TBC1D1: variants seen among roughly 807,000 people sequenced by gnomAD.
The protein encoded by TBC1D1 is TBC1 (tre-2/USP6, BUB2, cdc16) domain family, member 1.
A neutral mutation model predicts 125.6 loss-of-function variants in TBC1D1; 89 were observed. The ratio of observed to expected loss-of-function variants is 0.71; its 90% CI spans 0.60 to 0.85. TBC1D1 has a LOEUF of 0.85. TBC1D1 is among the 40% of genes least tolerant of loss of function. The pLI is 0.00. For missense variants in TBC1D1, 1,377 were observed against 1,469.2 expected, an observed-to-expected ratio of 0.94 and a Z score of 1.03; for synonymous variants, 565 against 564.1, an observed-to-expected ratio of 1.00 and a Z score of -0.02.
chr4:38,067,382 T>C (rs1015860823), intron 12 of TBC1D1, among the ~76,000 whole-genome samples: 15 of 152,206 alleles, frequency 9.9e-5, no homozygotes, highest in African/African-American at 3.6e-4. Context: ...TGATAAGTTA[T>C]GGATGTACAC....
In TBC1D1 at chr4:38,049,678, G is replaced by A. The variant is rs778618441; in HGVS notation, c.1690G>A (p.Gly564Ser). 9 of 1,613,980 alleles carry A rather than the reference G, an allele frequency of 5.6e-6. No individual in the cohort carries two copies. The highest frequency in any genetic ancestry group is 4.0e-5 in the African/African-American group (3 of 74,902). The change falls in exon 11 of 20, where the codon GGC becomes AGC. Residue 564 changes from glycine (G) to serine (S), a missense_variant. Gly to Ser is a moderately conservative substitution (Grantham distance 56). Coordinates refer to ENST00000261439, the MANE Select transcript of TBC1D1 (RefSeq NM_015173.4). ...CTCTGAGAGCTCCTTTAAGCTCCTC[G>A]GCTCCTCGGAGGACCTGTCCAGTGA... is the stretch of plus-strand genomic sequence containing the variant.
chr4:37,922,089 T>G (rs1721127510), intron 2 of TBC1D1, among the ~76,000 whole-genome samples: 2 of 152,188 alleles, frequency 1.3e-5, no homozygotes, highest in Admixed American at 1.3e-4. Flanking sequence ...CCACTTTTTT[T>G]TCCTCCTTTT....
intron 6 of TBC1D1, among the ~76,000 whole-genome samples, chr4:38,026,152 A>C (rs544577697): frequency 6.6e-6 from 1 of 152,294 alleles, no homozygotes; most frequent in South Asian, 2.1e-4. Context: ...TGTTAAGTGA[A>C]GTGGCATAGT....
At chr4:38,110,407 G>T (rs1235442194) in intron 15 of TBC1D1, 5 of 985,288 alleles carry the variant, frequency 5.1e-6, no homozygotes, top group East Asian at 1.1e-4. Context: ...AAATTGCTGG[G>T]TGAAGGCTCT....
chr4:38,049,631 G>C lies in TBC1D1; in HGVS notation c.1643G>C (p.Cys548Ser). ...GTTTGCTCCCAGGAGCCATCTGTGT[G>C]TGAAAAGGAGGCCTTGCCCATCTCT... Residue 548 changes from cysteine (C) to serine (S), a missense_variant, in exon 11 of 20, where the codon TGT becomes TCT. Physicochemically the swap from Cys to Ser is moderately radical, Grantham distance 112. Around this residue, in one of 3 missense-constraint regions of TBC1D1, gnomAD observed 822 missense variants for 824.6 expected, o/e 1.00. Coordinates refer to ENST00000261439, the MANE Select transcript of TBC1D1 (RefSeq NM_015173.4). 1.2e-6 allele frequency: 2 copies of C among 1,608,614 alleles called. No individual in the cohort carries two copies. The highest frequency in any genetic ancestry group is 1.7e-6 in the Non-Finnish European group (2 of 1,176,242).
chr4:37,972,731 C>T (rs966257094), intron 2 of TBC1D1, among the ~76,000 whole-genome samples: 17 of 151,400 alleles, frequency 1.1e-4, no homozygotes, highest in Admixed American at 5.9e-4. Context: ...GGAGAAACCC[C>T]GTCTCTACTA....
At chr4:37,981,883 A>G (rs1453537865) in intron 2 of TBC1D1, among the ~76,000 whole-genome samples, 1 of 152,196 alleles carries the variant, frequency 6.6e-6, no homozygotes, top group African/African-American at 2.4e-5. Flanking sequence ...TTTGGTTCGG[A>G]TAGGAGGTGA....
At chr4:38,032,125 C>T (rs889898053) in intron 7 of TBC1D1, among the ~76,000 whole-genome samples, 1 of 152,088 alleles carries the variant, frequency 6.6e-6, no homozygotes, top group Non-Finnish European at 1.5e-5. Flanking sequence ...TCAAGACTAG[C>T]CTGGCCAACA....
chr4:38,104,381 G>C (rs1208507452), intron 15 of TBC1D1, among the ~76,000 whole-genome samples: 1 of 152,160 alleles, frequency 6.6e-6, no homozygotes, highest in East Asian at 1.9e-4. Context: ...ATGATGCACA[G>C]AGGGCCCTCC....
chr4:37,906,179 G>A (rs1253596169), intron 2 of TBC1D1, among the ~76,000 whole-genome samples: 1 of 151,686 alleles, frequency 6.6e-6, no homozygotes, highest in Non-Finnish European at 1.5e-5. Context: ...ACACAGTCTT[G>A]TTCTGTTGCC....
chr4:37,938,770 G>T (rs1285818382), intron 2 of TBC1D1, among the ~76,000 whole-genome samples: 1 of 152,162 alleles, frequency 6.6e-6, no homozygotes, highest in Non-Finnish European at 1.5e-5. Context: ...GTGAGAACAA[G>T]CGGTGTTTGG....
chr4:37,913,248 G>T (rs537501296), intron 2 of TBC1D1, among the ~76,000 whole-genome samples: 4 of 152,190 alleles, frequency 2.6e-5, no homozygotes, highest in Admixed American at 2.6e-4. Flanking sequence ...CTAAGGAATG[G>T]TATGAAAAAT....
At chr4:38,084,844 C>T (rs1036135719) in intron 12 of TBC1D1, among the ~76,000 whole-genome samples, 5 of 151,998 alleles carry the variant, frequency 3.3e-5, no homozygotes, top group African/African-American at 1.2e-4. Flanking sequence ...GATCTGTCTA[C>T]TCGTTTCCTT....
intron 15 of TBC1D1, among the ~76,000 whole-genome samples, chr4:38,113,887 G>A (rs1364818526): frequency 1.3e-5 from 2 of 152,208 alleles, no homozygotes; most frequent in Admixed American, 1.3e-4. Flanking sequence ...TATTGATTAT[G>A]TTGAAGTGAT....
chr4:37,907,874 A>G (rs2925947), intron 2 of TBC1D1, among the ~76,000 whole-genome samples: 62,691 of 152,058 alleles, frequency 0.41, 13,053 homozygotes, highest in Middle Eastern at 0.46. Context: ...AGAAAATCCA[A>G]TCTGCCCCTC....
intron 2 of TBC1D1, among the ~76,000 whole-genome samples, chr4:37,986,909 T>G (rs937097258): frequency 6.6e-6 from 1 of 152,140 alleles, no homozygotes; most frequent in African/African-American, 2.4e-5. Context: ...GTGTTAACTG[T>G]GCAAGAAGAA....
chr4:37,922,904 C>T (rs1305313851), intron 2 of TBC1D1, among the ~76,000 whole-genome samples: 1 of 151,780 alleles, frequency 6.6e-6, no homozygotes, highest in Admixed American at 6.6e-5. Context: ...CCTGTGTGAA[C>T]GAAGACAATA....
At chr4:38,122,395 A>G (rs1236129275) in intron 17 of TBC1D1, among the ~76,000 whole-genome samples, 1 of 152,140 alleles carries the variant, frequency 6.6e-6, no homozygotes, top group Non-Finnish European at 1.5e-5. Context: ...CCATTTGCCC[A>G]CCTTCTGCCC....
intron 2 of TBC1D1, among the ~76,000 whole-genome samples, chr4:38,008,818 A>G (rs1740883109): frequency 6.6e-6 from 1 of 152,218 alleles, no homozygotes; most frequent in Non-Finnish European, 1.5e-5. Context: ...GCCTTCGCCC[A>G]TGTTTGTGTT....
Sources: allele counts gnomAD v4.1 joint callset (sites outside exome capture counted in the v4.1 genomes callset), GRCh38; gene constraint gnomAD v4.1.1; regional missense constraint gnomAD v4.1.1; transcripts MANE v1.5; gene names NCBI Gene and HGNC (gene_info 2026-07-23, HGNC 2026-07-21).